ROBO1: variants seen among roughly 807,000 people sequenced by gnomAD.
ROBO1 encodes roundabout homolog 1.
In ROBO1, 149 loss-of-function variants were observed where a neutral mutation model predicts 195.9. The observed-to-expected ratio is 0.76, with a 90% CI of 0.67 to 0.87. ROBO1 has a LOEUF of 0.87. Among genes scored for constraint, ROBO1 ranks in the 40% least tolerant of loss-of-function variants. The pLI is 0.00. For synonymous variants in ROBO1, 816 were observed against 733.2 expected, an observed-to-expected ratio of 1.11 and a Z score of -1.82; for missense variants, 1,933 against 2,068.3, an observed-to-expected ratio of 0.93 and a Z score of 1.27.
chr3:79,361,685 G>A (rs111715811), intron 2 of ROBO1, among the ~76,000 whole-genome samples: 3 of 151,950 alleles, frequency 2.0e-5, no homozygotes, highest in African/African-American at 7.2e-5. Context: ...TTCATTTGTT[G>A]TTTGAGCTCT....
rs529669339 is a variant in ROBO1 at position 79,473,110 on chromosome 3, AG to A, written c.88+116713del. On this transcript the variant is annotated intron_variant, in intron 2 of 30. Transcript: ENST00000464233. ...TGAATGAAACCCTATTTGAAAGTAA[AG>A]TCTTTGCAGACATAATTAAGATACA... Among the ~76,000 whole-genome samples, 37 of 152,178 alleles carry A rather than the reference AG, an allele frequency of 2.4e-4. No homozygotes were observed. The East Asian group carries it at 7.1e-3, about 29-fold the overall frequency.
At chr3:79,261,830 A>T (rs1159044093) in intron 2 of ROBO1, among the ~76,000 whole-genome samples, 3 of 152,216 alleles carry the variant, frequency 2.0e-5, no homozygotes, top group Admixed American at 1.3e-4. Context: ...GGATAAAGAA[A>T]TATACTTCTG....
At chr3:78,832,007 T>C (rs2032262257) in intron 4 of ROBO1, among the ~76,000 whole-genome samples, 3 of 141,522 alleles carry the variant, frequency 2.1e-5, no homozygotes, top group African/African-American at 7.4e-5. Flanking sequence ...AGCCAAACCA[T>C]ATCAGGTATG....
intron 2 of ROBO1, among the ~76,000 whole-genome samples, chr3:79,238,044 T>G (rs2082447009): frequency 6.6e-6 from 1 of 152,330 alleles, no homozygotes; most frequent in Middle Eastern, 3.4e-3. Flanking sequence ...TTTCTTCTGC[T>G]TTTTCCTTTG....
At chr3:79,182,645 G>A (rs1318809741) in intron 2 of ROBO1, among the ~76,000 whole-genome samples, 1 of 151,972 alleles carries the variant, frequency 6.6e-6, no homozygotes, top group Non-Finnish European at 1.5e-5. Context: ...GGGGTGTAAA[G>A]GGGCTAAATC....
At chr3:79,319,249 C>T (rs921669262) in intron 2 of ROBO1, among the ~76,000 whole-genome samples, 1 of 152,112 alleles carries the variant, frequency 6.6e-6, no homozygotes, top group African/African-American at 2.4e-5. Context: ...TAGCTAGTGG[C>T]TACCACATTG....
intron 3 of ROBO1, among the ~76,000 whole-genome samples, chr3:79,046,801 A>G (rs1056729922): frequency 6.6e-6 from 1 of 152,132 alleles, no homozygotes; most frequent in African/African-American, 2.4e-5. Context: ...TTTTGGCAAC[A>G]CCCACACAGA....
intron 2 of ROBO1, among the ~76,000 whole-genome samples, chr3:79,294,927 T>C (rs1204509161): frequency 1.3e-5 from 2 of 152,166 alleles, no homozygotes; most frequent in African/African-American, 4.8e-5. Flanking sequence ...AGAATGGCGA[T>C]CATTAAAATG....
At chr3:79,354,083 T>C (rs1430120193) in intron 2 of ROBO1, among the ~76,000 whole-genome samples, 1 of 152,080 alleles carries the variant, frequency 6.6e-6, no homozygotes, top group East Asian at 1.9e-4. Flanking sequence ...TGTAATAGTT[T>C]AGGAAGGGCA....
intron 2 of ROBO1, among the ~76,000 whole-genome samples, chr3:79,397,053 T>C (rs1042643520): frequency 6.6e-6 from 1 of 152,060 alleles, no homozygotes. Flanking sequence ...AAATATTCCC[T>C]GGATACTAAA....
intron 2 of ROBO1, among the ~76,000 whole-genome samples, chr3:79,245,841 T>G: frequency 6.6e-6 from 1 of 152,170 alleles, no homozygotes. Flanking sequence ...AAAAAAATCT[T>G]ACATTTTATT....
At chr3:78,747,676 C>T (rs896560022) in intron 4 of ROBO1, among the ~76,000 whole-genome samples, 4 of 152,082 alleles carry the variant, frequency 2.6e-5, no homozygotes, top group Middle Eastern at 3.2e-3. Context: ...TAGTCCCATA[C>T]TGTGGAGGAA....
intron 2 of ROBO1, among the ~76,000 whole-genome samples, chr3:79,309,012 T>C (rs767760854): frequency 9.9e-5 from 15 of 152,050 alleles, no homozygotes; most frequent in Non-Finnish European, 1.5e-4. Flanking sequence ...CTAAAACTTG[T>C]CATAGGGACA....
chr3:78,635,077 TAAAGG>T (rs1364172269), intron 23 of ROBO1, among the ~76,000 whole-genome samples: 1 of 152,114 alleles, frequency 6.6e-6, no homozygotes, highest in South Asian at 2.1e-4. Flanking sequence ...AGCAGTAGCC[TAAAGG>T]ACTACAAAGA....
intron 1 of ROBO1, among the ~76,000 whole-genome samples, chr3:79,706,624 A>C (rs1027522047): frequency 6.6e-6 from 1 of 152,086 alleles, no homozygotes; most frequent in African/African-American, 2.4e-5. Context: ...TTCTCATGAT[A>C]GTAAACAAGT....
intron 2 of ROBO1, among the ~76,000 whole-genome samples, chr3:79,251,989 T>G (rs1316996012): frequency 2.0e-5 from 3 of 151,526 alleles, no homozygotes; most frequent in Admixed American, 2.0e-4. Context: ...AATCAAGATT[T>G]TCCTCAGAGT....
intron 1 of ROBO1, among the ~76,000 whole-genome samples, chr3:79,677,856 C>T (rs1012294138): frequency 2.0e-5 from 3 of 152,094 alleles, no homozygotes; most frequent in African/African-American, 7.2e-5. Context: ...ACCTTGTTTG[C>T]TTCCTGTGGG....
chr3:79,178,607 G>A (rs1036776631), intron 2 of ROBO1, among the ~76,000 whole-genome samples: 3 of 152,110 alleles, frequency 2.0e-5, no homozygotes, highest in African/African-American at 7.2e-5. Context: ...TGTGAAATCC[G>A]AACAGAAAGG....
In ROBO1 at chr3:78,946,616, A is replaced by T. The variant is rs187254563; in HGVS notation, c.173-7689T>A. 7.2e-5 allele frequency among the ~76,000 whole-genome samples: 11 copies of T among 152,340 alleles called. No homozygotes were observed. In the East Asian group the frequency reaches 1.9e-3, roughly 27 times the overall value. On this transcript the variant is annotated intron_variant, in intron 3 of 30. Coordinates refer to ENST00000464233, the MANE Select transcript of ROBO1 (RefSeq NM_002941.4). The stretch of plus-strand genomic sequence containing the variant: ...AGGCTAGGAAGAAACTGCATCAACT[A>T]ATGAGCAAAATAACCAGCTAACATC...
Sources: gnomAD v4.1 joint callset for allele counts (sites outside exome capture counted in the v4.1 genomes callset) on GRCh38, gnomAD v4.1.1 for gene constraint, MANE v1.5 for transcripts, NCBI Gene and HGNC (gene_info 2026-07-23, HGNC 2026-07-21) for gene names.